Variants in BMP2K observed in about 807,000 individuals in gnomAD.
BMP2K encodes BMP-2-inducible protein kinase.
In BMP2K, 74 loss-of-function variants were observed where a neutral mutation model predicts 116.0. That is an observed-to-expected ratio of 0.64 (90% CI 0.53 to 0.77). The LOEUF (loss-of-function observed/expected upper bound fraction) is 0.77. BMP2K is among the 30% of genes least tolerant of loss of function. The pLI is 0.00. For missense variants in BMP2K, 1,365 were observed against 1,403.6 expected, an observed-to-expected ratio of 0.97 and a Z score of 0.44; for synonymous variants, 486 against 502.5, an observed-to-expected ratio of 0.97 and a Z score of 0.44.
At chr4:78,783,302 T>C (rs979064256) in intron 1 of BMP2K, among the ~76,000 whole-genome samples, 1 of 152,226 alleles carries the variant, frequency 6.6e-6, no homozygotes, top group Non-Finnish European at 1.5e-5. Flanking sequence ...CTATATACAA[T>C]ATTAACAAAT....
intron 9 of BMP2K, among the ~76,000 whole-genome samples, chr4:78,865,042 A>G (rs1731975475): frequency 6.6e-6 from 1 of 152,200 alleles, no homozygotes; most frequent in Non-Finnish European, 1.5e-5. Context: ...AAAGTTAAAG[A>G]TTCAAGAAGT....
At chr4:78,808,815 A>T (rs1332124125) in intron 1 of BMP2K, among the ~76,000 whole-genome samples, 1 of 152,020 alleles carries the variant, frequency 6.6e-6, no homozygotes, top group Non-Finnish European at 1.5e-5. Flanking sequence ...TTGTGGTTGG[A>T]ATATACTGTA....
In BMP2K at chr4:78,916,159, C is replaced by T. The variant is rs930110005; in HGVS notation, c.*4126C>T. On this transcript the variant is annotated 3_prime_UTR_variant, in exon 16 of 16. Coordinates refer to ENST00000502613, the MANE Select transcript of BMP2K (RefSeq NM_198892.2). The stretch of plus-strand genomic sequence containing the variant: ...TAGACTCAGTCTCCCCCTCCCACCC[C>T]TTTTCCCCTGCCATATCTAATTAAG... 1 of 151,950 alleles carries T rather than the reference C, an allele frequency of 6.6e-6. No individual in the cohort carries two copies. The highest frequency in any genetic ancestry group is 1.5e-5 in the Non-Finnish European group (1 of 67,870). 9.4% of individuals were successfully genotyped at this position (151,950 alleles called of 1,614,324 possible).
intron 15 of BMP2K, among the ~76,000 whole-genome samples, chr4:78,897,322 T>C (rs972011813): frequency 5.3e-5 from 8 of 152,114 alleles, no homozygotes; most frequent in Non-Finnish European, 1.2e-4. Context: ...GTGCCCTAAA[T>C]ATCCAATATT....
chr4:78,904,009 G>C (rs972668964), intron 15 of BMP2K, among the ~76,000 whole-genome samples: 12 of 151,918 alleles, frequency 7.9e-5, no homozygotes, highest in Non-Finnish European at 1.8e-4. Flanking sequence ...ATAAAAAGAT[G>C]TTGGACTAAA....
At chr4:78,850,854 T>C (rs1731216168) in intron 6 of BMP2K, 70 bp from the exon 7 acceptor site, 3 of 1,531,932 alleles carry the variant, frequency 2.0e-6, no homozygotes, top group Non-Finnish European at 1.8e-6. Flanking sequence ...AAAGTAACAT[T>C]GAGTTTTTGG....
At chr4:78,779,923 C>T (rs547939743) in intron 1 of BMP2K, among the ~76,000 whole-genome samples, 1 of 151,912 alleles carries the variant, frequency 6.6e-6, no homozygotes, top group East Asian at 1.9e-4. Context: ...TGTTTTTTTT[C>T]TCAAAAACAT....
At chr4:78,843,117 T>C (rs1445531975) in intron 4 of BMP2K, among the ~76,000 whole-genome samples, 1 of 151,996 alleles carries the variant, frequency 6.6e-6, no homozygotes. Context: ...TCTGGCATTA[T>C]ATTGCTAGAG....
chr4:78,896,448 T>G (rs1733706269), intron 15 of BMP2K, among the ~76,000 whole-genome samples: 1 of 152,194 alleles, frequency 6.6e-6, no homozygotes, highest in Non-Finnish European at 1.5e-5. Flanking sequence ...ACCTACTTGC[T>G]GTGTGTATCA....
chr4:78,891,504 C>A (rs1733437550), intron 15 of BMP2K, among the ~76,000 whole-genome samples: 1 of 152,078 alleles, frequency 6.6e-6, no homozygotes, highest in Non-Finnish European at 1.5e-5. Flanking sequence ...ATTCCTCTTA[C>A]TAGGATATTG....
chr4:78,825,537 A>G (rs1324277361), intron 1 of BMP2K, among the ~76,000 whole-genome samples: 1 of 152,204 alleles, frequency 6.6e-6, no homozygotes, highest in African/African-American at 2.4e-5. Context: ...TACATACCCA[A>G]TCCTAAATCA....
intron 14 of BMP2K, chr4:78,879,865 G>C (rs1301447527): frequency 6.6e-6 from 1 of 151,984 alleles, no homozygotes; most frequent in Non-Finnish European, 1.5e-5. Flanking sequence ...ATTTAAATTT[G>C]TATTTTATAT....
intron 14 of BMP2K, among the ~76,000 whole-genome samples, chr4:78,885,973 A>G (rs1366837513): frequency 1.3e-5 from 2 of 152,106 alleles, no homozygotes; most frequent in Middle Eastern, 3.2e-3. Flanking sequence ...TCTTAAAGTA[A>G]TGTGTTATTG....
intron 14 of BMP2K, among the ~76,000 whole-genome samples, chr4:78,886,619 G>C (rs1733102736): frequency 1.3e-5 from 2 of 152,038 alleles, no homozygotes; most frequent in South Asian, 4.1e-4. Context: ...CTCTGTTTTT[G>C]TGTAAGTTTT....
intron 7 of BMP2K, among the ~76,000 whole-genome samples, chr4:78,857,166 C>T (rs950102582): frequency 4.6e-5 from 7 of 151,998 alleles, no homozygotes; most frequent in African/African-American, 1.5e-4. Flanking sequence ...TTACATTTAC[C>T]ATATTAATGT....
At chr4:78,794,917 A>G (rs554935346) in intron 1 of BMP2K, among the ~76,000 whole-genome samples, 2 of 152,328 alleles carry the variant, frequency 1.3e-5, no homozygotes, top group Admixed American at 6.5e-5. Context: ...AAGAGGGATT[A>G]TATGAATAAG....
rs182775220 is a variant in BMP2K, at chr4:78,863,703, A to G, written c.1068-1854A>G. 6.4e-4 allele frequency among the ~76,000 whole-genome samples: 98 copies of G among 152,278 alleles called. 1 individual carries two copies. Among genetic ancestry groups the G allele is most frequent in the Admixed American group, 3.1e-3 (48 of 15,282 alleles). Reference sequence around the variant, plus strand: ...GAGACTGTACAGCAGTATCGATGCAATAATTACTGTTTTTAACTTCAGTCG... The same window carrying G: ...GAGACTGTACAGCAGTATCGATGCAGTAATTACTGTTTTTAACTTCAGTCG... On this transcript the variant is annotated intron_variant, in intron 9 of 15. Coordinates refer to ENST00000502613, the MANE Select transcript of BMP2K (RefSeq NM_198892.2).
intron 1 of BMP2K, among the ~76,000 whole-genome samples, chr4:78,802,466 T>C (rs1028440117): frequency 6.6e-6 from 1 of 152,352 alleles, no homozygotes; most frequent in South Asian, 2.1e-4. Flanking sequence ...ATAGTCAAAC[T>C]TACAAGTTTT....
In BMP2K at chr4:78,829,777, T is replaced by TCTC. The variant is rs1730076564; in HGVS notation, c.297+3622_297+3623insCTC. Among the ~76,000 whole-genome samples the TCTC allele has an allele frequency of 3.1e-5, 3 of 96,602 alleles. 1 individual carries two copies. The highest frequency in any genetic ancestry group is 1.5e-4 in the African/African-American group (3 of 20,364). The allele number at this position is 96,602 out of a possible 152,430, so 63.4% of individuals were successfully genotyped here. On this transcript the variant is annotated intron_variant, in intron 2 of 15. Transcript: ENST00000502613. Reference sequence around the variant, plus strand: ...AATCTTTTCTTTTCTTTTCTTTTCTTTTCTTTTCTTTTCTCTTCTCTTCTC... The same window carrying TCTC: ...AATCTTTTCTTTTCTTTTCTTTTCTTCTCTTCTTTTCTTTTCTCTTCTCTTCTC...
Sources: gnomAD v4.1 joint callset for allele counts (sites outside exome capture counted in the v4.1 genomes callset) on GRCh38, gnomAD v4.1.1 for gene constraint, MANE v1.5 for transcripts, NCBI Gene and HGNC (gene_info 2026-07-23, HGNC 2026-07-21) for gene names.